ZHX1: variants seen among roughly 807,000 people sequenced by gnomAD.
ZHX1 encodes the protein zinc fingers and homeoboxes protein 1.
Under a neutral mutation model 61.8 loss-of-function variants are expected in ZHX1, and 20 were observed. The observed-to-expected ratio is 0.32, with a 90% CI of 0.23 to 0.47. The LOEUF is 0.47. Ranked by LOEUF, ZHX1 falls within the 20% of genes least tolerant of loss-of-function variation. ZHX1 has a pLI of 1.00. For synonymous variants in ZHX1, 318 were observed against 352.6 expected (o/e 0.90, Z 1.10); for missense variants, 800 against 1,034.8 (o/e 0.77, Z 3.11).
chr8:123,268,647 A>G (rs888175026), intron 1 of ZHX1, among the ~76,000 whole-genome samples: 22 of 152,122 alleles, frequency 1.4e-4, no homozygotes, highest in South Asian at 6.2e-4. Flanking sequence ...ACACGCCACC[A>G]CACCCAACTA....
At chr8:123,256,524 C>G (rs1198752940) in intron 2 of ZHX1, among the ~76,000 whole-genome samples, 4 of 152,136 alleles carry the variant, frequency 2.6e-5, no homozygotes, top group Non-Finnish European at 5.9e-5. Flanking sequence ...AAAAAGCATT[C>G]ACAGATACTA....
intron 1 of ZHX1, chr8:123,273,668 G>A (rs934484812): frequency 6.6e-6 from 1 of 152,464 alleles, no homozygotes; most frequent in South Asian, 2.1e-4. Flanking sequence ...CTCAGCTCCA[G>A]CAAGAGAATC....
intron 2 of ZHX1, among the ~76,000 whole-genome samples, chr8:123,261,867 A>C (rs1826281932): frequency 6.6e-6 from 1 of 152,206 alleles, no homozygotes; most frequent in Non-Finnish European, 1.5e-5. Context: ...TGGATGAAAA[A>C]GTAAAAGTAA....
At chr8:123,258,221 G>T (rs1826135383) in intron 2 of ZHX1, among the ~76,000 whole-genome samples, 2 of 152,102 alleles carry the variant, frequency 1.3e-5, no homozygotes, top group African/African-American at 2.4e-5. Context: ...TTGTTAGGAA[G>T]AGCCTGGCAC....
chr8:123,252,000 G>T (rs1360638693), intron 3 of ZHX1, among the ~76,000 whole-genome samples: 1 of 152,162 alleles, frequency 6.6e-6, no homozygotes, highest in Non-Finnish European at 1.5e-5. Context: ...CCAGAGAGAA[G>T]ATGTAAGGGA....
chr8:123,266,618 A>C (rs891046974), intron 2 of ZHX1, among the ~76,000 whole-genome samples: 1 of 152,190 alleles, frequency 6.6e-6, no homozygotes, highest in East Asian at 1.9e-4. Context: ...GTACAAATAC[A>C]TTCAAATATA....
chr8:123,255,422 T>G lies in ZHX1; in HGVS notation c.525A>C (p.Gly175=). The G allele has an allele frequency of 6.2e-7, 1 of 1,613,454 alleles. No homozygotes were observed. Among genetic ancestry groups the G allele is most frequent in the East Asian group, 2.2e-5 (1 of 44,878 alleles). The change falls in exon 3 of 4, where the codon GGA becomes GGC. Residue 175 remains glycine, a synonymous_variant. Coordinates refer to ENST00000395571, the MANE Select transcript of ZHX1 (RefSeq NM_007222.5). ...QAESTEVSSS[G]ISISKTPIMK... ...TGATAGGAGTTTTACTGATAGATAT[T>G]CCCGAAGAAGAAACTTCTGTAGATT...
Position 123,249,510 on chromosome 8 carries a change from C to G in ZHX1, c.*814G>C, listed in dbSNP as rs1250665527. 1 of 152,208 alleles carries G rather than the reference C, an allele frequency of 6.6e-6. No homozygotes were observed. The highest frequency in any genetic ancestry group is 2.4e-5 in the African/African-American group (1 of 41,566). The allele number at this position is 152,208 out of a possible 1,614,324, so 9.4% of individuals were successfully genotyped here. A position where few individuals can be genotyped will look rare whatever the true frequency, so the allele number is the denominator to read the frequency against. ...CTAAGTATACATTTACTACGTGATT[C>G]TTTTTCACATTTTTGGTGCAGTATT... On this transcript the variant is annotated 3_prime_UTR_variant, in exon 4 of 4. Coordinates refer to ENST00000395571, the MANE Select transcript of ZHX1 (RefSeq NM_007222.5).
At position 123,256,074 on chromosome 8, in the gene ZHX1, T is replaced by G. The variant is rs574818650; in HGVS notation, c.-128A>C. 1.2e-5 allele frequency: 9 copies of G among 757,376 alleles called. 1 individual carries two copies. The South Asian group carries it at 2.6e-4, about 21-fold the overall frequency. 46.9% of individuals were successfully genotyped at this position (757,376 alleles called of 1,614,324 possible). On this transcript the variant is annotated 5_prime_UTR_variant, in exon 3 of 4. It removes an upstream start codon present in the reference 5' UTR. Coordinates refer to ENST00000395571, the MANE Select transcript of ZHX1 (RefSeq NM_007222.5). ...CCATTTTTGTGCTCAACAAGTCTCATTAGCAGCTTTCTCATGGTGCAATCA... is the reference window on the plus strand; with the variant it reads ...CCATTTTTGTGCTCAACAAGTCTCAGTAGCAGCTTTCTCATGGTGCAATCA...
Position 123,250,052 on chromosome 8 carries a change from T to G in ZHX1, c.*272A>C, listed in dbSNP as rs539140296. 2.1e-5 allele frequency: 7 copies of G among 337,370 alleles called. No individual in the cohort carries two copies. The highest frequency in any genetic ancestry group is 1.3e-4 in the African/African-American group (6 of 45,842). The allele number at this position is 337,370 out of a possible 1,614,324, so 20.9% of individuals were successfully genotyped here. On this transcript the variant is annotated 3_prime_UTR_variant, in exon 4 of 4. Coordinates refer to ENST00000395571, the MANE Select transcript of ZHX1 (RefSeq NM_007222.5). ...TAAGATTCAGAATGTCTCCATCATA[T>G]TAGAAGAAAAATGTACTGTATTAAA...
chr8:123,261,157 C>A (rs947882645), intron 2 of ZHX1, among the ~76,000 whole-genome samples: 3 of 152,060 alleles, frequency 2.0e-5, no homozygotes, highest in Admixed American at 6.5e-5. Context: ...AAGATTTGGT[C>A]CAAAAGCTCA....
chr8:123,256,597 C>T (rs1826075414), intron 2 of ZHX1, among the ~76,000 whole-genome samples: 1 of 152,046 alleles, frequency 6.6e-6, no homozygotes, highest in Admixed American at 6.6e-5. Flanking sequence ...AACTCCGTCT[C>T]TACTAAAAAC....
At chr8:123,275,456 C>T (rs1372600156), upstream of ZHX1, 3 of 152,266 alleles carry the variant, frequency 2.0e-5, no homozygotes, top group African/African-American at 7.2e-5. Context: ...CGCTGAGCCA[C>T]AGTAATCCTA....
chr8:123,271,461 GTTTA>G (rs960962135), intron 1 of ZHX1, among the ~76,000 whole-genome samples: 2 of 152,074 alleles, frequency 1.3e-5, no homozygotes, highest in Non-Finnish European at 1.5e-5. Flanking sequence ...TTTCAACACT[GTTTA>G]TTTAAGTAAA....
At chr8:123,267,728 G>A (rs756006802) in intron 1 of ZHX1, among the ~76,000 whole-genome samples, 16 of 152,156 alleles carry the variant, frequency 1.1e-4, no homozygotes, top group Non-Finnish European at 1.9e-4. Context: ...CCGGCCGGGC[G>A]CGGTGGCTCA....
intron 2 of ZHX1, 146 bp downstream of exon 2, chr8:123,267,127 A>C (rs1245819594): frequency 1.8e-6 from 1 of 565,206 alleles, no homozygotes; most frequent in African/African-American, 1.9e-5. Context: ...AAAATTTGAA[A>C]GTATATTAAA....
chr8:123,257,200 T>A (rs972854020), intron 2 of ZHX1: 1 of 152,288 alleles, frequency 6.6e-6, no homozygotes, highest in African/African-American at 2.4e-5. Flanking sequence ...ATTACAGGCA[T>A]GAGCCACCGT....
intron 3 of ZHX1, chr8:123,252,445 T>C (rs1238854106): frequency 1.3e-5 from 2 of 152,216 alleles, no homozygotes; most frequent in Non-Finnish European, 2.9e-5. Context: ...ATTTAAGCCA[T>C]ATTTATTTGC....
intron 2 of ZHX1, among the ~76,000 whole-genome samples, chr8:123,261,949 G>C (rs1563812720): frequency 6.6e-6 from 1 of 152,116 alleles, no homozygotes; most frequent in Non-Finnish European, 1.5e-5. Context: ...CAATGGGACT[G>C]GGACAGGAAA....
Sources: gnomAD v4.1 joint callset for allele counts (sites outside exome capture counted in the v4.1 genomes callset) on GRCh38, gnomAD v4.1.1 for gene constraint, MANE v1.5 for transcripts, NCBI Gene and HGNC (gene_info 2026-07-23, HGNC 2026-07-21) for gene names.